The following BCKDHB variants were observed in gnomAD, a reference collection of about 807,000 sequenced individuals.
BCKDHB encodes the protein 2-oxoisovalerate dehydrogenase subunit beta, mitochondrial.
A neutral mutation model predicts 48.5 loss-of-function variants in BCKDHB; 41 were observed. That is an observed-to-expected ratio of 0.85 (90% CI 0.66 to 1.10). The LOEUF is 1.10. Ranked by LOEUF, BCKDHB falls within the 50% of genes least tolerant of loss-of-function variation. The pLI is 0.00. For synonymous variants in BCKDHB, 201 were observed against 174.8 expected (o/e 1.15, Z -1.18); for missense variants, 496 against 494.2 (o/e 1.00, Z -0.03).
chr6:80,292,298 A>G (rs1270206245), intron 9 of BCKDHB, among the ~76,000 whole-genome samples: 1 of 152,210 alleles, frequency 6.6e-6, no homozygotes, highest in Non-Finnish European at 1.5e-5. Flanking sequence ...TGGGTAATTT[A>G]TAAAGGAAAG....
chr6:80,365,839 G>T, the BCKDHB span, among the ~76,000 whole-genome samples: 1 of 152,152 alleles, frequency 6.6e-6, no homozygotes, highest in African/African-American at 2.4e-5. Flanking sequence ...ATGTTCCTCT[G>T]CTGTGGCTCC....
chr6:80,264,506 G>C (rs565743164), intron 8 of BCKDHB, among the ~76,000 whole-genome samples: 1 of 152,250 alleles, frequency 6.6e-6, no homozygotes, highest in East Asian at 1.9e-4. Flanking sequence ...TTCTGTAGCA[G>C]TGAATTATAG....
At chr6:80,178,659 C>T (rs559956336) in intron 6 of BCKDHB, among the ~76,000 whole-genome samples, 2 of 152,260 alleles carry the variant, frequency 1.3e-5, no homozygotes, top group Non-Finnish European at 2.9e-5. Context: ...ATTTAATTCT[C>T]ACAACCAGCA....
intron 9 of BCKDHB, among the ~76,000 whole-genome samples, chr6:80,281,849 C>T (rs761850672): frequency 1.5e-5 from 2 of 137,056 alleles, no homozygotes; most frequent in Non-Finnish European, 3.2e-5. Flanking sequence ...CTAATAAACT[C>T]TAAATGAACT....
chr6:80,352,316 C>G, the BCKDHB span, among the ~76,000 whole-genome samples: 2 of 152,078 alleles, frequency 1.3e-5, no homozygotes, highest in African/African-American at 2.4e-5. Flanking sequence ...GCCACCTTCT[C>G]TACAGAGGAG....
At chr6:80,238,054 C>T (rs920334915) in intron 8 of BCKDHB, among the ~76,000 whole-genome samples, 5 of 152,136 alleles carry the variant, frequency 3.3e-5, no homozygotes, top group African/African-American at 1.2e-4. Context: ...CTCCCTCCTT[C>T]GCTTCCTTCC....
chr6:80,156,169 T>A (rs1001895372), intron 3 of BCKDHB, among the ~76,000 whole-genome samples: 1 of 151,950 alleles, frequency 6.6e-6, no homozygotes, highest in Non-Finnish European at 1.5e-5. Flanking sequence ...ATTTAAAATT[T>A]GGGGTTTTAC....
At chr6:80,334,580 C>G (rs1267029033) in intron 9 of BCKDHB, among the ~76,000 whole-genome samples, 1 of 151,608 alleles carries the variant, frequency 6.6e-6, no homozygotes, top group African/African-American at 2.4e-5. Context: ...CTGATTTATT[C>G]ACTGAGCAAA....
chr6:80,189,090 G>T (rs1431470992), intron 6 of BCKDHB, among the ~76,000 whole-genome samples: 1 of 152,150 alleles, frequency 6.6e-6, no homozygotes, highest in African/African-American at 2.4e-5. Context: ...CTCAGAATGT[G>T]TGCAAAGTCA....
chr6:80,203,258 G>A lies in BCKDHB; in HGVS notation c.951+46G>A, dbSNP rs199648640. 2.2e-5 allele frequency: 29 copies of A among 1,323,246 alleles called. No individual in the cohort carries two copies. The African/African-American group carries it at 3.5e-4, about 16-fold the overall frequency. The allele number at this position is 1,323,246 out of a possible 1,614,324, so 82.0% of individuals were successfully genotyped here. A position where few individuals can be genotyped will look rare whatever the true frequency, so the allele number is the denominator to read the frequency against. Reference sequence around the variant, plus strand: ...GAATGTCATTTCCCTGAAACCTTTGGCCAAATATGTTGTATATTTGCAAAT... The same window carrying A: ...GAATGTCATTTCCCTGAAACCTTTGACCAAATATGTTGTATATTTGCAAAT... On this transcript the variant is annotated intron_variant, in intron 8 of 9. Coordinates refer to ENST00000320393, the MANE Select transcript of BCKDHB (RefSeq NM_183050.4).
the BCKDHB span, among the ~76,000 whole-genome samples, chr6:80,440,472 G>T: frequency 6.6e-5 from 10 of 152,204 alleles, no homozygotes; most frequent in African/African-American, 2.4e-4. Flanking sequence ...TTTAAATTCT[G>T]TTGGTTTTTT....
intron 8 of BCKDHB, among the ~76,000 whole-genome samples, chr6:80,216,726 T>C (rs539335044): frequency 6.6e-6 from 1 of 152,366 alleles, no homozygotes; most frequent in East Asian, 1.9e-4. Flanking sequence ...ACAAGAAATC[T>C]AAATGTGTTG....
chr6:80,126,802 C>T (rs1770364088), intron 1 of BCKDHB, among the ~76,000 whole-genome samples: 1 of 152,110 alleles, frequency 6.6e-6, no homozygotes, highest in Admixed American at 6.6e-5. Flanking sequence ...TCAAATGAAG[C>T]TTTCCTATAC....
Position 80,127,547 on chromosome 6 carries a change from G to A in BCKDHB, c.197G>A (p.Gly66Glu). 1.9e-6 allele frequency: 3 copies of A among 1,612,186 alleles called. No individual in the cohort carries two copies. Among genetic ancestry groups the A allele is most frequent in the Middle Eastern group, 1.7e-4 (1 of 6,044 alleles). The change falls in exon 2 of 10, where the codon GGG becomes GAG. Residue 66 changes from glycine (G) to glutamate (E), a missense_variant and splice_region_variant. Coordinates refer to ENST00000320393, the MANE Select transcript of BCKDHB (RefSeq NM_183050.4). ...FQPDPEPREY[G>E]QTQKMNLFQS... ...ATGATTTTTTTTTTGATTTTCACAG[G>A]GCAAACTCAGAAAATGAATCTTTTC... is the stretch of plus-strand genomic sequence containing the variant.
chr6:80,108,658 G>C (rs113595252), intron 1 of BCKDHB, among the ~76,000 whole-genome samples: 12,934 of 151,580 alleles, frequency 0.085, 655 homozygotes, highest in African/African-American at 0.11. Context: ...TCAAGAGATC[G>C]AGACCATCCT....
chr6:80,355,466 AT>A, the BCKDHB span: 1 of 151,006 alleles, frequency 6.6e-6, no homozygotes, highest in Non-Finnish European at 1.5e-5. Context: ...CACTCCTTCT[AT>A]TAAAGCATGT....
intron 6 of BCKDHB, among the ~76,000 whole-genome samples, chr6:80,172,917 A>G (rs977638877): frequency 2.0e-5 from 3 of 152,158 alleles, no homozygotes; most frequent in Non-Finnish European, 2.9e-5. Context: ...TGAATGTAAG[A>G]ATTTAAAATT....
chr6:80,128,058 T>G (rs1770434684), intron 2 of BCKDHB, among the ~76,000 whole-genome samples: 1 of 151,962 alleles, frequency 6.6e-6, no homozygotes, highest in South Asian at 2.1e-4. Flanking sequence ...TTTATAAGTA[T>G]CTTAATCTTC....
At chr6:80,333,568 T>G (rs1331530375) in intron 9 of BCKDHB, among the ~76,000 whole-genome samples, 43 of 152,150 alleles carry the variant, frequency 2.8e-4, no homozygotes, top group Non-Finnish European at 7.4e-5. Context: ...ACGGAATTGT[T>G]TGCGTGTCCA....
Sources: allele counts gnomAD v4.1 joint callset (sites outside exome capture counted in the v4.1 genomes callset), GRCh38; gene constraint gnomAD v4.1.1; transcripts MANE v1.5; gene names NCBI Gene and HGNC (gene_info 2026-07-23, HGNC 2026-07-21).